PCDH11X: variants seen among roughly 807,000 people sequenced by gnomAD.
PCDH11X encodes the protein protocadherin-11 X-linked.
In PCDH11X, 18 loss-of-function variants were observed where a neutral mutation model predicts 53.3. The ratio of observed to expected loss-of-function variants is 0.34; its 90% CI spans 0.23 to 0.50. PCDH11X has a LOEUF of 0.50. PCDH11X is among the 20% of genes least tolerant of loss of function. PCDH11X has a pLI of 0.98. For missense variants in PCDH11X, 570 were observed against 1,032.4 expected (o/e 0.55, Z 6.14); for synonymous variants, 279 against 393.3 (o/e 0.71, Z 3.44).
chrX:92,395,211 G>A (rs1025509672), intron 9 of PCDH11X, among the ~76,000 whole-genome samples: 1 of 111,016 alleles, frequency 9.0e-6, no homozygotes, highest in Non-Finnish European at 1.9e-5. Context: ...TAGTGTATAT[G>A]AAATAAGCCA....
At chrX:91,932,326 A>G (rs1169095989) in intron 6 of PCDH11X, among the ~76,000 whole-genome samples, 1 of 108,052 alleles carries the variant, frequency 9.3e-6, no homozygotes, top group Non-Finnish European at 1.9e-5. Context: ...CCCCTTTTTG[A>G]GTTTTGGAAA....
intron 10 of PCDH11X, chrX:92,569,673 G>C (rs2148772112): frequency 9.7e-6 from 2 of 205,197 alleles, no homozygotes; most frequent in East Asian, 4.2e-4. Context: ...ATATTCCACT[G>C]TATGCCTTCC....
chrX:92,217,958 G>A lies in PCDH11X; in HGVS notation c.3114+16503G>A, dbSNP rs746134432. On this transcript the variant is annotated intron_variant, in intron 7 of 10. Coordinates refer to ENST00000682573, the MANE Select transcript of PCDH11X (RefSeq NM_032968.5). ...CAACCTGCTCCTGAATGACTACTGG[G>A]TACATAACGAAATGAAGGCAGAAAT... Among the ~76,000 whole-genome samples the A allele has an allele frequency of 7.9e-4, 86 of 108,199 alleles. No homozygotes were observed. In the South Asian group the frequency reaches 8.5e-3, roughly 11 times the overall value. The allele number at this position is 108,199 out of a possible 115,157, so 94.0% of individuals were successfully genotyped here.
At chrX:92,298,618 G>A (rs1433601620) in intron 8 of PCDH11X, among the ~76,000 whole-genome samples, 1 of 110,920 alleles carries the variant, frequency 9.0e-6, no homozygotes, top group Non-Finnish European at 1.9e-5. Flanking sequence ...TTTTTGTTGT[G>A]TCTCTGCCAG....
rs1191277649 is a variant in PCDH11X at position 92,403,339 on chromosome X, G to GTTTTTTTTTTTT, written c.3343+15416_3343+15427dup. On this transcript the variant is annotated intron_variant, in intron 9 of 10. Transcript: ENST00000682573. ...TGTCCGGGCATTTACGTTTTTTTTT[G>GTTTTTTTTTTTT]TTTTTTTTTTTTTTTTTTTTTGTAG... is the stretch of plus-strand genomic sequence containing the variant. 7.4e-3 allele frequency among the ~76,000 whole-genome samples: 364 copies of GTTTTTTTTTTTT among 49,268 alleles called. 1 individual carries two copies. The highest frequency in any genetic ancestry group is 0.018 in the African/African-American group (209 of 11,812). 42.8% of individuals were successfully genotyped at this position (49,268 alleles called of 115,157 possible).
chrX:92,049,165 C>G (rs1189066404), intron 6 of PCDH11X, among the ~76,000 whole-genome samples: 1 of 110,663 alleles, frequency 9.0e-6, no homozygotes, highest in Non-Finnish European at 1.9e-5. Context: ...AGCTGATTAT[C>G]TCCTGGATCT....
chrX:92,341,188 C>T (rs12395137), intron 8 of PCDH11X, among the ~76,000 whole-genome samples: 2,565 of 111,724 alleles, frequency 0.023, 66 homozygotes, highest in African/African-American at 0.078. Context: ...TCTGCGAACA[C>T]GGCAGCCTGT....
intron 6 of PCDH11X, among the ~76,000 whole-genome samples, chrX:91,955,236 C>A (rs759251804): frequency 9.1e-6 from 1 of 109,968 alleles, no homozygotes; most frequent in South Asian, 4.0e-4. Context: ...TGGCTTTTGT[C>A]GATTTTGTCA....
intron 10 of PCDH11X, among the ~76,000 whole-genome samples, chrX:92,475,789 T>A (rs2073370027): frequency 1.8e-5 from 2 of 111,843 alleles, no homozygotes; most frequent in South Asian, 7.5e-4. Context: ...TCTCTTTCTC[T>A]ACCTCCTCTT....
At chrX:92,020,480 G>A (rs972071363) in intron 6 of PCDH11X, among the ~76,000 whole-genome samples, 1 of 111,327 alleles carries the variant, frequency 9.0e-6, no homozygotes, top group Admixed American at 9.5e-5. Flanking sequence ...TCCTCATTGG[G>A]CAGGGCCTCC....
rs377010145 is a variant in PCDH11X, at chrX:92,037,218, C to T, written c.3033+157945C>T. 3.5e-4 allele frequency among the ~76,000 whole-genome samples: 38 copies of T among 109,491 alleles called. 3 individuals carry two copies. In the East Asian group the frequency reaches 3.5e-3, roughly 10 times the overall value. On this transcript the variant is annotated intron_variant, in intron 6 of 10. Coordinates refer to ENST00000682573, the MANE Select transcript of PCDH11X (RefSeq NM_032968.5). ...ATGCTGTCGCTCCCCTCACCCCCTA[C>T]CTCCCAACCGGCCCCAGTGTGTGAT...
chrX:92,288,718 G>A (rs1306931700), intron 8 of PCDH11X, among the ~76,000 whole-genome samples: 4 of 110,736 alleles, frequency 3.6e-5, no homozygotes, highest in Non-Finnish European at 5.7e-5. Flanking sequence ...GTATTTCTGT[G>A]ATTTGTTTTA....
intron 6 of PCDH11X, among the ~76,000 whole-genome samples, chrX:92,146,088 T>C (rs1461306985): frequency 3.6e-5 from 4 of 110,463 alleles, no homozygotes; most frequent in Non-Finnish European, 7.6e-5. Flanking sequence ...AGACATTCTA[T>C]AGAACTGCCA....
rs1357017295 is a variant in PCDH11X at position 92,469,543 on chromosome X, C to T, written c.3367+1221C>T. ...ATAGTTTGAAGTCTTAGAGTTAAGT[C>T]TTTAATATGCATTGATTTGATTTTT... is the stretch of plus-strand genomic sequence containing the variant. On this transcript the variant is annotated intron_variant, in intron 10 of 10. Transcript: ENST00000682573. Among the ~76,000 whole-genome samples, 14 of 111,385 alleles carry T rather than the reference C, an allele frequency of 1.3e-4. No homozygotes were observed. In the Admixed American group the frequency reaches 1.3e-3, roughly 11 times the overall value.
chrX:92,103,364 A>G (rs1167877185), intron 6 of PCDH11X, among the ~76,000 whole-genome samples: 4 of 111,027 alleles, frequency 3.6e-5, no homozygotes, highest in East Asian at 2.8e-4. Flanking sequence ...AGGGAAACAG[A>G]CCCTTGAAAA....
At chrX:92,276,674 AG>A (rs2148436786) in intron 8 of PCDH11X, among the ~76,000 whole-genome samples, 1 of 111,868 alleles carries the variant, frequency 8.9e-6, no homozygotes, top group East Asian at 2.8e-4. Flanking sequence ...TACACCTTGA[AG>A]GTGAGGTTAA....
intron 8 of PCDH11X, among the ~76,000 whole-genome samples, chrX:92,348,033 T>G (rs757325460): frequency 1.3e-4 from 15 of 111,783 alleles, no homozygotes; most frequent in South Asian, 3.8e-4. Flanking sequence ...TAACAGACAC[T>G]GGAGCCACAA....
At chrX:91,980,958 TATATATATATATATACACTGA>T (rs1569290290) in intron 6 of PCDH11X, among the ~76,000 whole-genome samples, 20 of 87,806 alleles carry the variant, frequency 2.3e-4, no homozygotes, top group African/African-American at 9.0e-4. Context: ...TATATATGTA[TATATATATATATATACACTGA>T]ATATATATAT....
chrX:92,355,430 A>C (rs1442532141), intron 8 of PCDH11X, among the ~76,000 whole-genome samples: 4 of 96,965 alleles, frequency 4.1e-5, no homozygotes, highest in African/African-American at 1.6e-4. Context: ...AAAAAAAAAA[A>C]AAAAAAAAAA....
Sources: gnomAD v4.1 joint callset for allele counts (sites outside exome capture counted in the v4.1 genomes callset) on GRCh38, gnomAD v4.1.1 for gene constraint, MANE v1.5 for transcripts, NCBI Gene and HGNC (gene_info 2026-07-23, HGNC 2026-07-21) for gene names.